The following ZP4 variants were observed in gnomAD, a reference collection of about 807,000 sequenced individuals.
ZP4 encodes the protein zona pellucida sperm-binding protein 4.
Under a neutral mutation model 62.3 loss-of-function variants are expected in ZP4, and 62 were observed. The observed-to-expected ratio is 0.99, with a 90% CI of 0.81 to 1.23. ZP4 has a LOEUF of 1.23. ZP4 is among the 50% of genes most tolerant of loss of function. ZP4 has a pLI of 0.00. For synonymous variants in ZP4, 289 were observed against 247.3 expected, an observed-to-expected ratio of 1.17 and a Z score of -1.58; for missense variants, 774 against 656.0, an observed-to-expected ratio of 1.18 and a Z score of -1.97.
At chr1:237,886,375 C>T (rs1665101515) in intron 6 of ZP4, among the ~76,000 whole-genome samples, 1 of 150,860 alleles carries the variant, frequency 6.6e-6, no homozygotes, top group African/African-American at 2.5e-5. Flanking sequence ...TCCTGATGTT[C>T]ATCTTAAAGA....
chr1:237,889,041 A>T (rs1665175355), intron 3 of ZP4, among the ~76,000 whole-genome samples: 1 of 152,112 alleles, frequency 6.6e-6, no homozygotes, highest in Non-Finnish European at 1.5e-5. Context: ...AGACTTTCTA[A>T]AGTTGAGTAG....
At chr1:237,889,524 G>A (rs1456595566) in intron 3 of ZP4, among the ~76,000 whole-genome samples, 1 of 151,862 alleles carries the variant, frequency 6.6e-6, no homozygotes, top group African/African-American at 2.4e-5. Context: ...CTCCATGTTG[G>A]TCAGGCTGGA....
At chr1:237,888,049 C>T (rs1202530338) in intron 4 of ZP4, among the ~76,000 whole-genome samples, 4 of 152,180 alleles carry the variant, frequency 2.6e-5, no homozygotes, top group Non-Finnish European at 5.9e-5. Context: ...AGTGACTCTC[C>T]CTAAACAATC....
At position 237,890,557 on chromosome 1, in the gene ZP4, C is replaced by T. The variant is rs764775113; in HGVS notation, c.79G>A (p.Asp27Asn). 6.2e-7 allele frequency: 1 copy of T among 1,614,012 alleles called. No homozygotes were observed. Among genetic ancestry groups the T allele is most frequent in the African/African-American group, 1.3e-5 (1 of 74,902 alleles). The change falls in exon 1 of 12, where the codon GAT becomes AAT. Residue 27 changes from aspartate (D) to asparagine (N), a missense_variant. Transcript: ENST00000366570. Reference protein sequence around the residue: ...VSGQHKPEAPDYSSVLHCGPW... With the variant: ...VSGQHKPEAPNYSSVLHCGPW... ...CCACAGTGGAGCACACTGGAATAAT[C>T]TGGTGCCTCAGGCTTATGCTGGCCA...
intron 5 of ZP4, among the ~76,000 whole-genome samples, chr1:237,887,140 G>A (rs1012331816): frequency 1.3e-5 from 2 of 152,176 alleles, no homozygotes; most frequent in African/African-American, 2.4e-5. Context: ...CTTCTCTATA[G>A]CACGGTAAAT....
chr1:237,890,609 C>G lies in ZP4; in HGVS notation c.27G>C (p.Leu9=). Residue 9 remains leucine (L), a synonymous_variant, in exon 1 of 12, where the codon CTG becomes CTC. Transcript: ENST00000366570. The part of the protein sequence containing the change: MWLLRCVL[L]CVSLSLAVSG... ...TCACAGCAAGAGATAATGAAACACA[C>G]AGCAAAACGCACCGCAGCAGCCACA... 6.2e-7 allele frequency: 1 copy of G among 1,613,758 alleles called. No individual in the cohort carries two copies. Among genetic ancestry groups the G allele is most frequent in the African/African-American group, 1.3e-5 (1 of 75,018 alleles).
chr1:237,884,892 A>G (rs776308144), intron 9 of ZP4, 45 bp from the exon 10 acceptor site: 8 of 1,587,896 alleles, frequency 5.0e-6, no homozygotes, highest in Non-Finnish European at 6.9e-6. Context: ...TCACCATGCC[A>G]TGTATCTCTA....
At position 237,887,453 on chromosome 1, in the gene ZP4, C is replaced by G. The variant is rs771946642; in HGVS notation, c.662G>C (p.Ser221Thr). ...DSVRLALRND[S>T]ACNPVMATQA... The stretch of plus-strand genomic sequence containing the variant: ...TGTTGCCATCACAGGGTTACACGCA[C>G]TGTCATTCCTAAGGGCCAAGCGCAC... Residue 221 changes from serine to threonine, a missense_variant, in exon 5 of 12, where the codon AGT becomes ACT. Ser to Thr is a moderately conservative substitution (Grantham distance 58). Transcript: ENST00000366570. 16 of 1,614,106 alleles carry G rather than the reference C, an allele frequency of 9.9e-6. No individual in the cohort carries two copies. In the East Asian group the frequency reaches 3.3e-4, roughly 34 times the overall value.
Position 237,888,410 on chromosome 1 carries a change from T to G in ZP4, c.501A>C (p.Leu167=). 1 of 1,610,992 alleles carries G rather than the reference T, an allele frequency of 6.2e-7. No individual in the cohort carries two copies. Residue 167 remains leucine, a synonymous_variant, in exon 4 of 12, where the codon CTA becomes CTC. Coordinates refer to ENST00000366570, the MANE Select transcript of ZP4 (RefSeq NM_021186.5). ...SPISRGDCEG[L]GCCYSSEEVN... ...CCTCTTCAGAGCTATAACAACAGCC[T>G]AGCCCTTCACAGTCTCCTCGAGAGA...
chr1:237,882,485 G>A lies in ZP4; in HGVS notation c.1560C>T (p.Ala520=). The A allele has an allele frequency of 6.2e-7, 1 of 1,609,930 alleles. No individual in the cohort carries two copies. Among genetic ancestry groups the A allele is most frequent in the Non-Finnish European group, 8.5e-7 (1 of 1,179,100 alleles). Residue 520 remains alanine (A), a synonymous_variant, in exon 12 of 12, where the codon GCC becomes GCT. Transcript: ENST00000366570. ...AGLSGTLILG[A]LLVSYLAVKK... Reference sequence around the variant, plus strand: ...TGACAGCCAAGTAGGATACTAACAAGGCTCCAAGGATTAAGGTCCCAGAAA... The same window carrying A: ...TGACAGCCAAGTAGGATACTAACAAAGCTCCAAGGATTAAGGTCCCAGAAA...
rs1351614689 is a variant in ZP4 at position 237,885,238 on chromosome 1, T to A, written c.1238A>T (p.His413Leu). ...GGTGAAGATGCTGAAGCGCTGGTGG[T>A]GAGAGGGAAATGGAAGATCCAAGGC... ...QKALDLPFPS[H>L]HQRFSIFTFS... is the part of the protein sequence containing the mutation. Residue 413 changes from histidine (H) to leucine (L), a missense_variant, in exon 9 of 12, where the codon CAC becomes CTC. Physicochemically the swap from His to Leu is moderately conservative, Grantham distance 99. Transcript: ENST00000366570. 1 of 1,613,908 alleles carries A rather than the reference T, an allele frequency of 6.2e-7. No homozygotes were observed.
rs919855672 is a variant in ZP4, at chr1:237,885,665, C to G, written c.971-85G>C. ...CACCCCTTTAAATAGCCCCAAGCCCCTTAAGTGTCTTGTTACTAACTTAGG... is the reference window on the plus strand; with the variant it reads ...CACCCCTTTAAATAGCCCCAAGCCCGTTAAGTGTCTTGTTACTAACTTAGG... On this transcript the variant is annotated intron_variant, in intron 7 of 11. Coordinates refer to ENST00000366570, the MANE Select transcript of ZP4 (RefSeq NM_021186.5). 4.5e-5 allele frequency: 71 copies of G among 1,593,106 alleles called. No individual in the cohort carries two copies. The South Asian group carries it at 7.8e-4, about 18-fold the overall frequency.
chr1:237,884,061 C>T (rs1465560537), intron 10 of ZP4, among the ~76,000 whole-genome samples: 8 of 140,958 alleles, frequency 5.7e-5, no homozygotes, highest in Non-Finnish European at 1.2e-4. Flanking sequence ...CAAACACACA[C>T]AAACACACAC....
rs1279270190 is a variant in ZP4, at chr1:237,884,665, T to G, written c.1390+104A>C. On this transcript the variant is annotated intron_variant, in intron 10 of 11. Coordinates refer to ENST00000366570, the MANE Select transcript of ZP4 (RefSeq NM_021186.5). The stretch of plus-strand genomic sequence containing the variant: ...CCGCAAGTACTTAGAGAAGCCTTAG[T>G]AAGATGAATCTTCAGTTTGAGTTGT... 10 of 1,061,520 alleles carry G rather than the reference T, an allele frequency of 9.4e-6. No homozygotes were observed. In the South Asian group the frequency reaches 1.5e-4, roughly 16 times the overall value. 65.8% of individuals were successfully genotyped at this position (1,061,520 alleles called of 1,614,324 possible).
intron 10 of ZP4, among the ~76,000 whole-genome samples, chr1:237,883,801 G>GGAAGAGAGAGGAAGAGAGAA (rs1558530380): frequency 6.7e-6 from 1 of 148,474 alleles, no homozygotes; most frequent in Non-Finnish European, 1.5e-5. Context: ...GGAAGAGAGA[G>GGAAGAGAGAGGAAGAGAGAA]GAAGAGAGGG....
intron 10 of ZP4, 101 bp downstream of exon 10, chr1:237,884,668 G>C: frequency 9.1e-7 from 1 of 1,096,968 alleles, no homozygotes; most frequent in Non-Finnish European, 1.3e-6. Flanking sequence ...GCCTTAGTAA[G>C]ATGAATCTTC....
At chr1:237,889,812 T>C in intron 3 of ZP4, 55 bp downstream of exon 3, 2 of 1,523,892 alleles carry the variant, frequency 1.3e-6, no homozygotes, top group South Asian at 1.1e-5. Flanking sequence ...CCAAGAGTAC[T>C]TTCACACCCC....
chr1:237,887,353 G>A (rs1292341312), intron 5 of ZP4, 21 bp downstream of exon 5: 2 of 1,610,154 alleles, frequency 1.2e-6, no homozygotes, highest in African/African-American at 1.3e-5. Context: ...CCAGAGCCAG[G>A]AACAAAGCCC....
chr1:237,883,302 C>T (rs919046509), intron 10 of ZP4, among the ~76,000 whole-genome samples: 1 of 151,662 alleles, frequency 6.6e-6, no homozygotes, highest in African/African-American at 2.4e-5. Context: ...AGAAAGATGG[C>T]AAGATGGCAA....
Sources: gnomAD v4.1 joint callset for allele counts (sites outside exome capture counted in the v4.1 genomes callset) on GRCh38, gnomAD v4.1.1 for gene constraint, MANE v1.5 for transcripts, NCBI Gene and HGNC (gene_info 2026-07-23, HGNC 2026-07-21) for gene names.